Variants in ROBO1 observed in about 807,000 individuals in gnomAD.
ROBO1 encodes roundabout guidance receptor 1.
A neutral mutation model predicts 195.9 loss-of-function variants in ROBO1; 149 were observed. The observed-to-expected ratio is 0.76, with a 90% CI of 0.67 to 0.87. The LOEUF (loss-of-function observed/expected upper bound fraction) is 0.87, where lower values mean the gene tolerates loss of function less well. Ranked by LOEUF, ROBO1 falls within the 40% of genes least tolerant of loss-of-function variation. ROBO1 has a pLI of 0.00. For synonymous variants in ROBO1, 816 were observed against 733.2 expected (o/e 1.11, Z -1.82); for missense variants, 1,933 against 2,068.3 (o/e 0.93, Z 1.27).
chr3:79,692,969 G>C (rs1947337719), intron 1 of ROBO1, among the ~76,000 whole-genome samples: 1 of 151,620 alleles, frequency 6.6e-6, no homozygotes, highest in Non-Finnish European at 1.5e-5. Flanking sequence ...AAATAATTTT[G>C]TGCATATAAC....
intron 4 of ROBO1, among the ~76,000 whole-genome samples, chr3:78,833,249 T>C (rs746527180): frequency 1.3e-5 from 2 of 152,094 alleles, no homozygotes; most frequent in Non-Finnish European, 2.9e-5. Flanking sequence ...TTCATAAAAC[T>C]AGTTCATAAA....
chr3:79,313,328 T>G (rs1302605900), intron 2 of ROBO1, among the ~76,000 whole-genome samples: 1 of 152,206 alleles, frequency 6.6e-6, no homozygotes, highest in Non-Finnish European at 1.5e-5. Context: ...CCTGGGTAAT[T>G]TGACAAGGAA....
intron 3 of ROBO1, among the ~76,000 whole-genome samples, chr3:79,097,783 A>G (rs2079597353): frequency 6.6e-6 from 1 of 151,690 alleles, no homozygotes; most frequent in Admixed American, 6.6e-5. Flanking sequence ...ATATCCTTCT[A>G]AATCCTAATA....
At chr3:79,015,776 A>G (rs1332764959) in intron 3 of ROBO1, among the ~76,000 whole-genome samples, 1 of 152,252 alleles carries the variant, frequency 6.6e-6, no homozygotes, top group Non-Finnish European at 1.5e-5. Context: ...ATAAAAGGCT[A>G]TGAGAAGTGA....
intron 3 of ROBO1, among the ~76,000 whole-genome samples, chr3:79,114,211 G>C (rs1012673466): frequency 6.6e-6 from 1 of 152,132 alleles, no homozygotes; most frequent in African/African-American, 2.4e-5. Context: ...TCTTGGGTAT[G>C]TCTTTATTAG....
intron 3 of ROBO1, among the ~76,000 whole-genome samples, chr3:78,950,723 A>C (rs1015903695): frequency 5.3e-5 from 8 of 151,722 alleles, no homozygotes; most frequent in African/African-American, 1.9e-4. Flanking sequence ...GAAACAGTCA[A>C]ACCTGTTGAC....
intron 4 of ROBO1, among the ~76,000 whole-genome samples, chr3:78,884,724 AGGAAG>A (rs1224023326): frequency 2.7e-5 from 4 of 150,254 alleles, no homozygotes; most frequent in East Asian, 2.0e-4. Flanking sequence ...AGGAAAGGAA[AGGAAG>A]GAAGGAAGGA....
At chr3:78,985,194 G>C (rs139110697) in intron 3 of ROBO1, among the ~76,000 whole-genome samples, 3 of 151,984 alleles carry the variant, frequency 2.0e-5, no homozygotes, top group Non-Finnish European at 4.4e-5. Flanking sequence ...TAATAACTCT[G>C]GAGGCTGAGG....
Position 79,724,319 on chromosome 3 carries a change from A to G in ROBO1, c.-51+43433T>C, listed in dbSNP as rs569839148. Among the ~76,000 whole-genome samples the G allele has an allele frequency of 5.9e-5, 9 of 152,326 alleles. No individual in the cohort carries two copies. The South Asian group carries it at 1.9e-3, about 32-fold the overall frequency. The stretch of plus-strand genomic sequence containing the variant: ...GAAACTCGAAACTCACTTTAAGCAT[A>G]TTGATTAGGTCTTCGTGTTTCTAAG... On this transcript the variant is annotated intron_variant, in intron 1 of 30. Coordinates refer to ENST00000464233, the MANE Select transcript of ROBO1 (RefSeq NM_002941.4).
chr3:78,618,187 T>C (rs1027709543), intron 26 of ROBO1, 146 bp from the exon 27 acceptor site: 2 of 827,682 alleles, frequency 2.4e-6, no homozygotes, highest in Non-Finnish European at 3.6e-6. Flanking sequence ...AATATCACAA[T>C]ATATTTAAGT....
chr3:79,761,156 AAATAT>A (rs1404743437), intron 1 of ROBO1, among the ~76,000 whole-genome samples: 8 of 148,244 alleles, frequency 5.4e-5, no homozygotes, highest in East Asian at 1.9e-4. Context: ...ATATATTTAA[AAATAT>A]AATATATGTA....
chr3:79,395,340 A>AAG (rs1553733528), intron 2 of ROBO1, among the ~76,000 whole-genome samples: 1 of 119,082 alleles, frequency 8.4e-6, no homozygotes, highest in Non-Finnish European at 1.7e-5. Flanking sequence ...AAAAAAAAAA[A>AAG]AAAGAAAGAA....
intron 4 of ROBO1, among the ~76,000 whole-genome samples, chr3:78,916,215 A>G (rs993256638): frequency 7.2e-6 from 1 of 139,162 alleles, no homozygotes; most frequent in Admixed American, 7.6e-5. Flanking sequence ...GCGCCACTGC[A>G]CTCCAGCCTG....
Position 79,145,111 on chromosome 3 carries a change from A to C in ROBO1, c.89-19572T>G, listed in dbSNP as rs186796247. ...AATGGTCAAGTTGGTTTGGTTTGTC[A>C]TCATGAAGCTATAACTATCAGTTGT... On this transcript the variant is annotated intron_variant, in intron 2 of 30. Coordinates refer to ENST00000464233, the MANE Select transcript of ROBO1 (RefSeq NM_002941.4). 1.4e-3 allele frequency among the ~76,000 whole-genome samples: 219 copies of C among 152,042 alleles called. 1 individual carries two copies. The highest frequency in any genetic ancestry group is 5.1e-3 in the African/African-American group (211 of 41,534).
At chr3:79,446,392 T>C (rs1277779085) in intron 2 of ROBO1, among the ~76,000 whole-genome samples, 1 of 152,236 alleles carries the variant, frequency 6.6e-6, no homozygotes, top group African/African-American at 2.4e-5. Flanking sequence ...ATGTTTTGTA[T>C]AATAATATTT....
chr3:79,374,160 G>C (rs745716779), intron 2 of ROBO1, among the ~76,000 whole-genome samples: 4 of 152,140 alleles, frequency 2.6e-5, no homozygotes, highest in Non-Finnish European at 5.9e-5. Flanking sequence ...GAAATTCGGA[G>C]TTCCTTCCTT....
intron 4 of ROBO1, among the ~76,000 whole-genome samples, chr3:78,934,499 AG>A (rs1226948992): frequency 6.6e-6 from 1 of 152,012 alleles, no homozygotes; most frequent in African/African-American, 2.4e-5. Flanking sequence ...TCCAATATAA[AG>A]TTAGTTCAAT....
At chr3:79,217,323 A>G (rs947548709) in intron 2 of ROBO1, among the ~76,000 whole-genome samples, 7 of 152,066 alleles carry the variant, frequency 4.6e-5, no homozygotes, top group African/African-American at 4.8e-5. Context: ...CCACAGGATT[A>G]GACTTTGGTT....
intron 3 of ROBO1, among the ~76,000 whole-genome samples, chr3:79,088,192 T>C (rs1448192861): frequency 6.6e-6 from 1 of 152,146 alleles, no homozygotes; most frequent in Non-Finnish European, 1.5e-5. Context: ...TAATATCTGC[T>C]ATGTGATCCA....
Sources: allele counts gnomAD v4.1 joint callset (sites outside exome capture counted in the v4.1 genomes callset), GRCh38; gene constraint gnomAD v4.1.1; transcripts MANE v1.5; gene names NCBI Gene and HGNC (gene_info 2026-07-23, HGNC 2026-07-21).